Variants in IGSF3 observed in about 807,000 individuals in gnomAD.
The protein encoded by IGSF3 is immunoglobulin superfamily member 3.
IGSF3 carries 23 observed loss-of-function variants against 114.4 expected under a neutral mutation model. The ratio of observed to expected loss-of-function variants is 0.20; its 90% confidence interval spans 0.14 to 0.28. The LOEUF is 0.28. Ranked by LOEUF, IGSF3 falls within the 10% of genes least tolerant of loss-of-function variation. IGSF3 has a pLI of 1.00. For synonymous variants in IGSF3, 571 were observed against 645.2 expected (o/e 0.88, Z 1.74); for missense variants, 1,172 against 1,591.5 (o/e 0.74, Z 4.48).
intron 7 of IGSF3, among the ~76,000 whole-genome samples, chr1:116,599,149 G>A (rs1660466908): frequency 6.6e-6 from 1 of 152,078 alleles, no homozygotes; most frequent in Non-Finnish European, 1.5e-5. Context: ...TCCTGGGGTT[G>A]TTGTGCAATT....
chr1:116,665,597 G>T lies in IGSF3; in HGVS notation c.43+687C>A, dbSNP rs1649296160. 6.6e-6 allele frequency among the ~76,000 whole-genome samples: 1 copy of T among 152,072 alleles called. No homozygotes were observed. Among genetic ancestry groups the T allele is most frequent in the Admixed American group, 6.5e-5 (1 of 15,276 alleles). ...GGGGTGTCAAAGGTTCACCTCTCAG[G>T]GCCATAGTTTCTTCTTCCCACTCTA... On this transcript the variant is annotated intron_variant, in intron 2 of 10. Coordinates refer to ENST00000369486, the MANE Select transcript of IGSF3 (RefSeq NM_001007237.3). This position sits in a 1 kb window ranked among gnomAD's most constrained non-coding sequence, Gnocchi z 4.0.
rs964112262 is a variant in IGSF3, at chr1:116,616,975, G to A, written c.44-518C>T. On this transcript the variant is annotated intron_variant, in intron 2 of 10. Transcript: ENST00000369486. The surrounding 1 kb of genome is among the most constrained non-coding windows in gnomAD (Gnocchi z 6.6). ...GCACCCTTCAATTTCCCATGTAGCT[G>A]CTCCCCAACACCACCCCAAGGGGCA... Among the ~76,000 whole-genome samples the A allele has an allele frequency of 6.6e-6, 1 of 152,098 alleles. No individual in the cohort carries two copies. Among genetic ancestry groups the A allele is most frequent in the African/African-American group, 2.4e-5 (1 of 41,410 alleles).
intron 2 of IGSF3, among the ~76,000 whole-genome samples, chr1:116,645,565 A>T (rs776867885): frequency 2.0e-5 from 3 of 152,250 alleles, no homozygotes; most frequent in Admixed American, 6.5e-5. Flanking sequence ...TCTAGAGCTC[A>T]AAGTAGTGGC....
chr1:116,613,743 C>T, intron 4 of IGSF3, 22 bp downstream of exon 4: 5 of 1,605,362 alleles, frequency 3.1e-6, no homozygotes, highest in Non-Finnish European at 4.3e-6. Flanking sequence ...AAGGACAGGA[C>T]AAGAGGCTCA....
chr1:116,627,613 G>A lies in IGSF3; in HGVS notation c.44-11156C>T, dbSNP rs74431251. On this transcript the variant is annotated intron_variant, in intron 2 of 10. Coordinates refer to ENST00000369486, the MANE Select transcript of IGSF3 (RefSeq NM_001007237.3). This position sits in a 1 kb window ranked among gnomAD's most constrained non-coding sequence, Gnocchi z 4.7. ...ACAACAGGCCGGGAGCGCATCTGCA[G>A]GCAGCGTCAGGATGTCAGCTACCAG... 2.8e-4 allele frequency among the ~76,000 whole-genome samples: 42 copies of A among 152,362 alleles called. 2 individuals carry two copies. In the East Asian group the frequency reaches 7.1e-3, roughly 26 times the overall value.
rs555741167 is a variant in IGSF3, at chr1:116,662,569, T to C, written c.43+3715A>G. On this transcript the variant is annotated intron_variant, in intron 2 of 10. Coordinates refer to ENST00000369486, the MANE Select transcript of IGSF3 (RefSeq NM_001007237.3). The surrounding 1 kb of genome is among the most constrained non-coding windows in gnomAD (Gnocchi z 4.3). ...TTGCTGCCATGAAAACCGTAGAAGATGGCAACATCTTAACACAGCCCTGGG... is the reference window on the plus strand; with the variant it reads ...TTGCTGCCATGAAAACCGTAGAAGACGGCAACATCTTAACACAGCCCTGGG... Among the ~76,000 whole-genome samples, 20 of 152,278 alleles carry C rather than the reference T, an allele frequency of 1.3e-4. No individual in the cohort carries two copies. The highest frequency in any genetic ancestry group is 2.6e-4 in the Admixed American group (4 of 15,296).
rs1013692185 is a variant in IGSF3, at chr1:116,605,462, C to T, written c.1223-1437G>A. On this transcript the variant is annotated intron_variant, in intron 5 of 10. Coordinates refer to ENST00000369486, the MANE Select transcript of IGSF3 (RefSeq NM_001007237.3). This position sits in a 1 kb window ranked among gnomAD's most constrained non-coding sequence, Gnocchi z 5.1. Reference sequence around the variant, plus strand: ...AATAGCAATTTTCCTAGGAGGGCAACCTCCCCCAGGACTCATACCAGGATG... The same window carrying T: ...AATAGCAATTTTCCTAGGAGGGCAATCTCCCCCAGGACTCATACCAGGATG... Among the ~76,000 whole-genome samples the T allele has an allele frequency of 6.6e-6, 1 of 152,054 alleles. No homozygotes were observed. Among genetic ancestry groups the T allele is most frequent in the Non-Finnish European group, 1.5e-5 (1 of 68,024 alleles).
Position 116,654,667 on chromosome 1 carries a change from C to G in IGSF3, c.43+11617G>C, listed in dbSNP as rs940464298. On this transcript the variant is annotated intron_variant, in intron 2 of 10. Transcript: ENST00000369486. The surrounding 1 kb of genome is among the most constrained non-coding windows in gnomAD (Gnocchi z 4.4). ...GGCTCCTCTGGTATGGACGGTGTCT[C>G]CTCTCTGGTGGGAAGTATGTGATTT... Among the ~76,000 whole-genome samples the G allele has an allele frequency of 1.1e-4, 16 of 152,290 alleles. No homozygotes were observed. Among genetic ancestry groups the G allele is most frequent in the African/African-American group, 3.4e-4 (14 of 41,554 alleles).
At chr1:116,659,348 C>T (rs934040802) in intron 2 of IGSF3, among the ~76,000 whole-genome samples, 20 of 152,256 alleles carry the variant, frequency 1.3e-4, no homozygotes, top group African/African-American at 4.6e-4. Flanking sequence ...TTGTTAAGTG[C>T]CTGCCACCAT....
At chr1:116,656,252 A>G (rs182988100) in intron 2 of IGSF3, among the ~76,000 whole-genome samples, 37 of 151,372 alleles carry the variant, frequency 2.4e-4, no homozygotes, top group Non-Finnish European at 3.2e-4. Context: ...AATAAGGAGC[A>G]TAGACAAGGA....
At chr1:116,609,231 G>GT (rs968685505) in intron 4 of IGSF3, among the ~76,000 whole-genome samples, 13 of 151,840 alleles carry the variant, frequency 8.6e-5, no homozygotes, top group African/African-American at 2.4e-4. Context: ...AGATCTAGGT[G>GT]TTTTTTTAAT....
rs193046802 is a variant in IGSF3, at chr1:116,643,322, G to A, written c.43+22962C>T. ...TCTCTCTTCTAAAGATCCACCCAAC[G>A]GAACTGCCCCAGGGCTGGTATCCCA... is the stretch of plus-strand genomic sequence containing the variant. On this transcript the variant is annotated intron_variant, in intron 2 of 10. Transcript: ENST00000369486. Among the ~76,000 whole-genome samples the A allele has an allele frequency of 2.6e-4, 40 of 152,276 alleles. No homozygotes were observed. In the East Asian group the frequency reaches 3.9e-3, roughly 15 times the overall value.
rs1050689724 is a variant in IGSF3, at chr1:116,667,710, C to G, written c.-723G>C. The G allele has an allele frequency of 6.6e-6, 1 of 151,584 alleles. No homozygotes were observed. The highest frequency in any genetic ancestry group is 1.5e-5 in the Non-Finnish European group (1 of 67,868). 9.4% of individuals were successfully genotyped at this position (151,584 alleles called of 1,614,324 possible). A position where few individuals can be genotyped will look rare whatever the true frequency, so the allele number is the denominator to read the frequency against. ...GGGGACGCGCCGCTTCCTCTTCTCC[C>G]GCAACGGCACCAGCAGCCGCGCTGC... On this transcript the variant is annotated 5_prime_UTR_variant, in exon 1 of 11. Coordinates refer to ENST00000369486, the MANE Select transcript of IGSF3 (RefSeq NM_001007237.3).
Position 116,579,261 on chromosome 1 carries a change from T to C in IGSF3, c.3334+131A>G. 8.1e-7 allele frequency: 1 copy of C among 1,240,914 alleles called. No individual in the cohort carries two copies. The allele number at this position is 1,240,914 out of a possible 1,614,324, so 76.9% of individuals were successfully genotyped here. A position where few individuals can be genotyped will look rare whatever the true frequency, so the allele number is the denominator to read the frequency against. ...CTAATATGTCCAATCCCACCATATCTCAAATCCTACTAATAAATGCCCATG... is the reference window on the plus strand; with the variant it reads ...CTAATATGTCCAATCCCACCATATCCCAAATCCTACTAATAAATGCCCATG... On this transcript the variant is annotated intron_variant, in intron 10 of 10. Transcript: ENST00000369486. The surrounding 1 kb of genome is among the most constrained non-coding windows in gnomAD (Gnocchi z 6.4).
Position 116,577,696 on chromosome 1 carries a change from C to T in IGSF3, c.3335-134G>A. ...CCCACACCACCTTGTCTTTCCCCTG[C>T]TACCATTAATGGTGGAAGATGACCC... On this transcript the variant is annotated intron_variant, in intron 10 of 10. Transcript: ENST00000369486. The surrounding 1 kb of genome is among the most constrained non-coding windows in gnomAD (Gnocchi z 5.7). The T allele has an allele frequency of 1.3e-6, 1 of 750,378 alleles. No homozygotes were observed. The highest frequency in any genetic ancestry group is 2.2e-6 in the Non-Finnish European group (1 of 455,564). The allele number at this position is 750,378 out of a possible 1,614,324, so 46.5% of individuals were successfully genotyped here. A position where few individuals can be genotyped will look rare whatever the true frequency, so the allele number is the denominator to read the frequency against.
rs1291884894 is a variant in IGSF3 at position 116,614,896 on chromosome 1, C to T, written c.422-721G>A. Among the ~76,000 whole-genome samples the T allele has an allele frequency of 1.3e-5, 2 of 152,144 alleles. No individual in the cohort carries two copies. The highest frequency in any genetic ancestry group is 2.9e-5 in the Non-Finnish European group (2 of 68,034). On this transcript the variant is annotated intron_variant, in intron 3 of 10. Coordinates refer to ENST00000369486, the MANE Select transcript of IGSF3 (RefSeq NM_001007237.3). The surrounding 1 kb of genome is among the most constrained non-coding windows in gnomAD (Gnocchi z 4.5). The stretch of plus-strand genomic sequence containing the variant: ...CCTTTCTGGAGATTAAATAGCACCA[C>T]CTTTCTGTCTGATGAGAGTACCCTA...
intron 5 of IGSF3, chr1:116,606,402 C>T: frequency 1.3e-6 from 2 of 1,588,960 alleles, no homozygotes; most frequent in Non-Finnish European, 1.7e-6. Context: ...TGCAGAAGCA[C>T]TTTGGTCTCT....
chr1:116,635,541 T>C (rs997551841), intron 2 of IGSF3, among the ~76,000 whole-genome samples: 9 of 152,254 alleles, frequency 5.9e-5, no homozygotes, highest in Admixed American at 2.0e-4. Context: ...CACCTCCCAG[T>C]ACATCATCCT....
Position 116,594,713 on chromosome 1 carries a change from A to G in IGSF3, c.2029+5228T>C, listed in dbSNP as rs1204868621. The stretch of plus-strand genomic sequence containing the variant: ...CCTCACCCCATGCTCCCATGTACAA[A>G]AGGGACTTCTTGATCCCTGCCAGCT... On this transcript the variant is annotated intron_variant, in intron 7 of 10. Transcript: ENST00000369486. The surrounding 1 kb of genome is among the most constrained non-coding windows in gnomAD (Gnocchi z 5.2). Among the ~76,000 whole-genome samples the G allele has an allele frequency of 6.6e-6, 1 of 151,840 alleles. No homozygotes were observed. Among genetic ancestry groups the G allele is most frequent in the Non-Finnish European group, 1.5e-5 (1 of 67,944 alleles).
Sources: allele counts gnomAD v4.1 joint callset (sites outside exome capture counted in the v4.1 genomes callset), GRCh38; gene constraint gnomAD v4.1.1; non-coding constraint Gnocchi (gnomAD v3.1); transcripts MANE v1.5; gene names NCBI Gene and HGNC (gene_info 2026-07-23, HGNC 2026-07-21).